Variants in NRXN3 observed in about 807,000 individuals in gnomAD.
NRXN3 encodes the protein neurexin 3.
NRXN3 carries 32 observed loss-of-function variants against 137.6 expected under a neutral mutation model. That is an observed-to-expected ratio of 0.23 (90% confidence interval 0.18 to 0.31). NRXN3 has a LOEUF of 0.31. Ranked by LOEUF, NRXN3 falls within the 10% of genes least tolerant of loss-of-function variation. The pLI is 1.00. For synonymous variants in NRXN3, 798 were observed against 784.5 expected, an observed-to-expected ratio of 1.02 and a Z score of -0.29; for missense variants, 1,574 against 2,062.5, an observed-to-expected ratio of 0.76 and a Z score of 4.59.
chr14:78,815,620 C>A lies in NRXN3; in HGVS notation c.2275+5276C>A, dbSNP rs192787855. Among the ~76,000 whole-genome samples the A allele has an allele frequency of 2.3e-3, 351 of 151,488 alleles. 1 individual carries two copies. The highest frequency in any genetic ancestry group is 3.9e-3 in the Non-Finnish European group (266 of 67,918). ...AATTTAGGCATAGTTTAGTGAGCTG[C>A]AGTTTATTATACTGGACTTATGGTT... On this transcript the variant is annotated intron_variant, in intron 10 of 20. Transcript: ENST00000335750.
intron 16 of NRXN3, among the ~76,000 whole-genome samples, chr14:79,603,915 T>G (rs2097960368): frequency 6.6e-6 from 1 of 151,670 alleles, no homozygotes. Flanking sequence ...TGAGACAGAG[T>G]CCAGCTCTGT....
At chr14:78,356,371 A>G (rs1379415566) in intron 4 of NRXN3, among the ~76,000 whole-genome samples, 1 of 152,256 alleles carries the variant, frequency 6.6e-6, no homozygotes, top group African/African-American at 2.4e-5. Flanking sequence ...TTTCAATTCT[A>G]TGCCTCACCT....
At chr14:79,589,277 T>A (rs1037482352) in intron 16 of NRXN3, among the ~76,000 whole-genome samples, 2 of 152,070 alleles carry the variant, frequency 1.3e-5, no homozygotes, top group East Asian at 3.9e-4. Flanking sequence ...CAAAAAATTG[T>A]TAAATCATTA....
At chr14:79,077,250 C>T (rs1050228737) in intron 15 of NRXN3, among the ~76,000 whole-genome samples, 5 of 152,154 alleles carry the variant, frequency 3.3e-5, no homozygotes, top group Non-Finnish European at 5.9e-5. Flanking sequence ...ACCGAGGAAA[C>T]GTTCTTTCTG....
chr14:78,235,010 A>ATG (rs1567037345), intron 1 of NRXN3, among the ~76,000 whole-genome samples: 2 of 102,414 alleles, frequency 2.0e-5, no homozygotes, highest in African/African-American at 8.1e-5. Flanking sequence ...ATATATATAT[A>ATG]TATATATATA....
intron 1 of NRXN3, among the ~76,000 whole-genome samples, chr14:78,173,216 A>C (rs1288181225): frequency 6.6e-6 from 1 of 151,976 alleles, no homozygotes; most frequent in African/African-American, 2.4e-5. Context: ...CAGAATTTCT[A>C]TTCTGCACCC....
intron 8 of NRXN3, among the ~76,000 whole-genome samples, chr14:78,798,577 C>T (rs1038448572): frequency 9.2e-5 from 14 of 152,188 alleles, no homozygotes; most frequent in Admixed American, 5.2e-4. Flanking sequence ...CAGTGGCCTT[C>T]TTCTCACGGC....
chr14:79,249,921 T>A (rs1211590534), intron 15 of NRXN3, among the ~76,000 whole-genome samples: 3 of 152,214 alleles, frequency 2.0e-5, no homozygotes, highest in Non-Finnish European at 2.9e-5. Context: ...TATAAGCTTT[T>A]CATAAAGTAT....
chr14:78,787,522 A>G (rs373214050), intron 8 of NRXN3, among the ~76,000 whole-genome samples: 39 of 152,236 alleles, frequency 2.6e-4, no homozygotes, highest in African/African-American at 9.2e-4. Context: ...ATTCATTTAC[A>G]GATCTATACC....
chr14:78,475,424 T>C (rs1042839973), intron 4 of NRXN3, among the ~76,000 whole-genome samples: 6 of 152,166 alleles, frequency 3.9e-5, no homozygotes, highest in Non-Finnish European at 8.8e-5. Context: ...CAGAGCATGT[T>C]GCATGTTGTG....
intron 19 of NRXN3, among the ~76,000 whole-genome samples, chr14:79,800,148 C>T (rs1257024380): frequency 6.6e-6 from 1 of 152,082 alleles, no homozygotes; most frequent in African/African-American, 2.4e-5. Flanking sequence ...TTAAGCATAG[C>T]CATTGAAAGT....
At position 78,859,467 on chromosome 14, in the gene NRXN3, C is replaced by T. The variant is rs79567320; in HGVS notation, c.2275+49123C>T. ...TCCAGTCTGATGATGTTGTGGAGCTCGCAGTTGACCTGTATCTTCTTGATA... is the reference window on the plus strand; with the variant it reads ...TCCAGTCTGATGATGTTGTGGAGCTTGCAGTTGACCTGTATCTTCTTGATA... On this transcript the variant is annotated intron_variant, in intron 10 of 20. Transcript: ENST00000335750. 3.2e-3 allele frequency among the ~76,000 whole-genome samples: 484 copies of T among 152,254 alleles called. 13 individuals are homozygous for T. The East Asian group carries it at 0.065, about 21-fold the overall frequency.
intron 19 of NRXN3, among the ~76,000 whole-genome samples, chr14:79,771,470 T>C (rs569526582): frequency 7.8e-4 from 119 of 151,908 alleles, no homozygotes; most frequent in Admixed American, 2.6e-3. Flanking sequence ...GCTGGTTCAA[T>C]ATACGCAAAT....
intron 19 of NRXN3, among the ~76,000 whole-genome samples, chr14:79,776,500 C>T (rs955233530): frequency 6.6e-6 from 1 of 152,170 alleles, no homozygotes; most frequent in Non-Finnish European, 1.5e-5. Flanking sequence ...CTTCAGGTTC[C>T]CTCCCCCATG....
intron 4 of NRXN3, among the ~76,000 whole-genome samples, chr14:78,564,415 G>C (rs2096818316): frequency 6.6e-6 from 1 of 152,080 alleles, no homozygotes. Context: ...GGCTCTGACT[G>C]GGCTCCTACT....
intron 3 of NRXN3, among the ~76,000 whole-genome samples, chr14:78,280,175 T>C (rs1024010241): frequency 6.6e-6 from 1 of 152,198 alleles, no homozygotes; most frequent in Admixed American, 6.5e-5. Context: ...CAGAAGACAT[T>C]CAGTGCCCTC....
chr14:79,677,245 G>A (rs1204124538), intron 17 of NRXN3, among the ~76,000 whole-genome samples: 1 of 151,926 alleles, frequency 6.6e-6, no homozygotes, highest in Non-Finnish European at 1.5e-5. Flanking sequence ...TAAACAAAAT[G>A]ATAAATAGGA....
rs573308158 is a variant in NRXN3 at position 79,460,766 on chromosome 14, A to G, written c.3263-6455A>G. Among the ~76,000 whole-genome samples the G allele has an allele frequency of 2.0e-5, 3 of 152,290 alleles. No individual in the cohort carries two copies. The South Asian group carries it at 6.2e-4, about 32-fold the overall frequency. On this transcript the variant is annotated intron_variant, in intron 15 of 20. Coordinates refer to ENST00000335750, the MANE Select transcript of NRXN3 (RefSeq NM_001330195.2). ...ACCTTGCTTGAGCATTGTCTAAGAA[A>G]TGGCTTTTTCTCATGATGTACTTAA...
At chr14:78,591,177 A>G (rs993015470) in intron 4 of NRXN3, among the ~76,000 whole-genome samples, 1 of 152,154 alleles carries the variant, frequency 6.6e-6, no homozygotes, top group Non-Finnish European at 1.5e-5. Flanking sequence ...GGCCTGTGGG[A>G]GTCGAGTGGT....
Sources: gnomAD v4.1 joint callset for allele counts (sites outside exome capture counted in the v4.1 genomes callset) on GRCh38, gnomAD v4.1.1 for gene constraint, MANE v1.5 for transcripts, NCBI Gene and HGNC (gene_info 2026-07-23, HGNC 2026-07-21) for gene names.